The following PITPNM3 variants were observed in gnomAD, a reference collection of about 807,000 sequenced individuals.
PITPNM3 encodes the protein PITPNM family member 3, also known as membrane-associated phosphatidylinositol transfer protein 3.
Under a neutral mutation model 102.0 loss-of-function variants are expected in PITPNM3, and 26 were observed. That is an observed-to-expected ratio of 0.25 (90% CI 0.19 to 0.35). PITPNM3 has a LOEUF of 0.35. Ranked by LOEUF, PITPNM3 falls within the 10% of genes least tolerant of loss-of-function variation. The pLI, the probability that PITPNM3 is intolerant of heterozygous loss-of-function variation, is 1.00. For missense variants in PITPNM3, 1,083 were observed against 1,346.1 expected, an observed-to-expected ratio of 0.80 and a Z score of 3.06; for synonymous variants, 578 against 558.6, an observed-to-expected ratio of 1.03 and a Z score of -0.49.
chr17:6,479,726 C>CA (rs1905548312), intron 6 of PITPNM3: 1 of 152,228 alleles, frequency 6.6e-6, no homozygotes, highest in Non-Finnish European at 1.5e-5. Flanking sequence ...TCGTGGTGTA[C>CA]AAGGCTGGCC....
Position 6,455,240 on chromosome 17 carries a change from C to T in PITPNM3, c.*98G>A. 1 of 1,405,966 alleles carries T rather than the reference C, an allele frequency of 7.1e-7. No individual in the cohort carries two copies. The highest frequency in any genetic ancestry group is 9.5e-7 in the Non-Finnish European group (1 of 1,056,058). The allele number at this position is 1,405,966 out of a possible 1,614,324, so 87.1% of individuals were successfully genotyped here. On this transcript the variant is annotated 3_prime_UTR_variant, in exon 20 of 20. Transcript: ENST00000262483. ...CTGGACAGACACGGGAGGGAAAAAG[C>T]AGGAAAACGCCTGTGTCGGGGAGAG...
rs139842151 is a variant in PITPNM3, at chr17:6,457,834, G to T, written c.2491-112C>A. ...TTGGGGACCCTTTATGTGCACTCTG[G>T]TAGACTCCAAGCCATGGGGCCACCC... On this transcript the variant is annotated intron_variant, in intron 18 of 19. Transcript: ENST00000262483. This position sits in a 1 kb window ranked among gnomAD's most constrained non-coding sequence, Gnocchi z 4.7. 7.0e-7 allele frequency: 1 copy of T among 1,435,090 alleles called. No individual in the cohort carries two copies. Among genetic ancestry groups the T allele is most frequent in the East Asian group, 2.5e-5 (1 of 40,150 alleles). 88.9% of individuals were successfully genotyped at this position (1,435,090 alleles called of 1,614,324 possible).
chr17:6,455,669 G>GAGGGCAGGGC lies in PITPNM3; in HGVS notation c.2620-36_2620-27dup, dbSNP rs781462082. 4.3e-5 allele frequency: 60 copies of GAGGGCAGGGC among 1,387,324 alleles called. 1 individual carries two copies. Among genetic ancestry groups the GAGGGCAGGGC allele is most frequent in the South Asian group, 3.8e-4 (32 of 83,838 alleles). The allele number at this position is 1,387,324 out of a possible 1,614,324, so 85.9% of individuals were successfully genotyped here. ...CTGCGGAGGGCAGGGGAGGGCAGGG[G>GAGGGCAGGGC]AGGGCAGGGCAGGGCAGCAGCGCAG... On this transcript the variant is annotated intron_variant, in intron 19 of 19. Transcript: ENST00000262483.
chr17:6,494,183 C>A (rs1473853482), intron 4 of PITPNM3, among the ~76,000 whole-genome samples: 1 of 152,154 alleles, frequency 6.6e-6, no homozygotes, highest in African/African-American at 2.4e-5. Flanking sequence ...TGATTTCTCT[C>A]AAGATGTAAG....
chr17:6,483,186 C>T (rs888098711), intron 6 of PITPNM3, among the ~76,000 whole-genome samples: 5 of 152,040 alleles, frequency 3.3e-5, no homozygotes, highest in South Asian at 2.1e-4. Flanking sequence ...CCTCATGATC[C>T]GCCCACCTCA....
intron 1 of PITPNM3, among the ~76,000 whole-genome samples, chr17:6,544,654 T>TCTCTCTCTCTCTCTCTCTCACA (rs376230474): frequency 2.8e-4 from 37 of 130,264 alleles, no homozygotes; most frequent in African/African-American, 1.1e-3. Flanking sequence ...TCTCTCTCTC[T>TCTCTCTCTCTCTCTCTCTCACA]CACACACACA....
chr17:6,532,568 G>A (rs951360795), intron 2 of PITPNM3, among the ~76,000 whole-genome samples: 6 of 152,036 alleles, frequency 3.9e-5, no homozygotes, highest in African/African-American at 9.7e-5. Flanking sequence ...CTAGACTTGT[G>A]TATAAATAGA....
intron 3 of PITPNM3, among the ~76,000 whole-genome samples, 195 bp from the exon 4 acceptor site, chr17:6,503,769 C>T (rs1907326614): frequency 6.6e-6 from 1 of 152,174 alleles, no homozygotes; most frequent in Non-Finnish European, 1.5e-5. Flanking sequence ...ACACCTGATG[C>T]CATTTCTGGG....
At chr17:6,498,213 C>A (rs1906955153) in intron 4 of PITPNM3, among the ~76,000 whole-genome samples, 1 of 152,190 alleles carries the variant, frequency 6.6e-6, no homozygotes, top group Non-Finnish European at 1.5e-5. Context: ...TCCAGAGGGA[C>A]CCTGGTCCTT....
At position 6,527,431 on chromosome 17, in the gene PITPNM3, C is replaced by T. The variant is rs546224872; in HGVS notation, c.119-1968G>A. On this transcript the variant is annotated intron_variant, in intron 2 of 19. Coordinates refer to ENST00000262483, the MANE Select transcript of PITPNM3 (RefSeq NM_031220.4). ...TAAAGGTGTTTGTAAGAGTGCCCCACACACAGTAAAAGCACAGGCTGAGAT... is the reference window on the plus strand; with the variant it reads ...TAAAGGTGTTTGTAAGAGTGCCCCATACACAGTAAAAGCACAGGCTGAGAT... Among the ~76,000 whole-genome samples the T allele has an allele frequency of 2.0e-5, 3 of 152,310 alleles. No homozygotes were observed. In the East Asian group the frequency reaches 5.8e-4, roughly 29 times the overall value.
intron 1 of PITPNM3, among the ~76,000 whole-genome samples, chr17:6,542,024 G>C (rs1909754160): frequency 6.6e-6 from 1 of 152,200 alleles, no homozygotes; most frequent in African/African-American, 2.4e-5. Flanking sequence ...GAAGGCGTTT[G>C]CTCTGCGGAA....
At chr17:6,465,202 A>C (rs1904703789) in intron 14 of PITPNM3, among the ~76,000 whole-genome samples, 1 of 152,120 alleles carries the variant, frequency 6.6e-6, no homozygotes, top group Non-Finnish European at 1.5e-5. Flanking sequence ...ATGCGCCTCC[A>C]CACCTGGCTA....
At chr17:6,493,497 T>C (rs1448621524) in intron 4 of PITPNM3, among the ~76,000 whole-genome samples, 1 of 152,170 alleles carries the variant, frequency 6.6e-6, no homozygotes, top group Non-Finnish European at 1.5e-5. Context: ...TTACAACAGT[T>C]CAAGAGTGAC....
intron 1 of PITPNM3, among the ~76,000 whole-genome samples, chr17:6,543,682 T>C (rs1379373089): frequency 6.6e-6 from 1 of 152,218 alleles, no homozygotes; most frequent in Non-Finnish European, 1.5e-5. Flanking sequence ...CCTACACTGC[T>C]TCCTGCACAG....
At chr17:6,510,267 T>C (rs1907794753) in intron 3 of PITPNM3, among the ~76,000 whole-genome samples, 2 of 152,304 alleles carry the variant, frequency 1.3e-5, no homozygotes, top group South Asian at 4.1e-4. Context: ...TGAGCTGTCA[T>C]TTAAGGAATG....
Position 6,457,714 on chromosome 17 carries a change from G to A in PITPNM3, c.2499C>T (p.Ile833=). The change falls in exon 19 of 20, where the codon ATC becomes ATT. Residue 833 remains isoleucine (I), a synonymous_variant. Transcript: ENST00000262483. This position sits in a 1 kb window ranked among gnomAD's most constrained non-coding sequence, Gnocchi z 4.7. ...TGGAGCCATAGGCCGCACTGATTTTGATGAAGCACTGAAACACAGGGCAGG... is the reference window on the plus strand; with the variant it reads ...TGGAGCCATAGGCCGCACTGATTTTAATGAAGCACTGAAACACAGGGCAGG... ...FLRNLMQECF[I]KISAAYGSTK... The A allele has an allele frequency of 6.3e-7, 1 of 1,586,758 alleles. No individual in the cohort carries two copies. Among genetic ancestry groups the A allele is most frequent in the Non-Finnish European group, 8.6e-7 (1 of 1,166,066 alleles).
At position 6,469,154 on chromosome 17, in the gene PITPNM3, C is replaced by T. The variant is rs1904932195; in HGVS notation, c.1774-813G>A. 6.6e-6 allele frequency among the ~76,000 whole-genome samples: 1 copy of T among 152,196 alleles called. No homozygotes were observed. Among genetic ancestry groups the T allele is most frequent in the Non-Finnish European group, 1.5e-5 (1 of 68,030 alleles). The stretch of plus-strand genomic sequence containing the variant: ...TGAACTTCCCTCTCTGTAGGAGCAC[C>T]CTTAGTCTGGCACTCATCGCCAGTT... On this transcript the variant is annotated intron_variant, in intron 13 of 19. Transcript: ENST00000262483. This position sits in a 1 kb window ranked among gnomAD's most constrained non-coding sequence, Gnocchi z 4.0.
At chr17:6,549,546 G>A (rs1254010928) in intron 1 of PITPNM3, among the ~76,000 whole-genome samples, 3 of 152,172 alleles carry the variant, frequency 2.0e-5, no homozygotes, top group African/African-American at 7.2e-5. Flanking sequence ...CACCCTGTGG[G>A]GGCTGGTGGC....
At chr17:6,509,689 G>A (rs1013435952) in intron 3 of PITPNM3, among the ~76,000 whole-genome samples, 6 of 152,040 alleles carry the variant, frequency 3.9e-5, no homozygotes, top group African/African-American at 1.4e-4. Flanking sequence ...CTCCCAGCAT[G>A]GAGCCTCCCC....
Sources: allele counts gnomAD v4.1 joint callset (sites outside exome capture counted in the v4.1 genomes callset), GRCh38; gene constraint gnomAD v4.1.1; non-coding constraint Gnocchi (gnomAD v3.1); transcripts MANE v1.5; gene names NCBI Gene and HGNC (gene_info 2026-07-23, HGNC 2026-07-21).